The following GHSR variants were observed in gnomAD, a reference collection of about 807,000 sequenced individuals.
GHSR encodes growth hormone secretagogue receptor type 1.
In GHSR, 17 loss-of-function variants were observed where a neutral mutation model predicts 24.0. The observed-to-expected ratio is 0.71, with a 90% CI of 0.49 to 1.06. The LOEUF (loss-of-function observed/expected upper bound fraction) is 1.06. Among genes scored for constraint, GHSR ranks in the 50% least tolerant of loss-of-function variants. The pLI, the probability that GHSR is intolerant of heterozygous loss-of-function variation, is 0.00. For synonymous variants in GHSR, 238 were observed against 208.1 expected (o/e 1.14, Z -1.24); for missense variants, 504 against 483.1 (o/e 1.04, Z -0.41).
At chr3:172,447,418 T>C (rs1470949828) in intron 1 of GHSR, 200 bp downstream of exon 1, 7 of 1,175,482 alleles carry the variant, frequency 6.0e-6, no homozygotes, top group South Asian at 5.4e-5. Flanking sequence ...GAGAGAAAGA[T>C]TGAGAGATCA....
At position 172,448,399 on chromosome 3, in the gene GHSR, C is replaced by T; in HGVS notation, c.15G>A (p.Thr5=). The T allele has an allele frequency of 6.3e-7, 1 of 1,594,906 alleles. No individual in the cohort carries two copies. The highest frequency in any genetic ancestry group is 8.5e-7 in the Non-Finnish European group (1 of 1,178,078). The part of the protein sequence containing the change: MWNA[T]PSEEPGFNLT... ...GGTTGAACCCCGGCTCTTCGCTGGG[C>T]GTCGCGTTCCACATGCTGCCGGCTC... Residue 5 remains threonine (T), a synonymous_variant, in exon 1 of 2, where the codon ACG becomes ACA. Coordinates refer to ENST00000241256, the MANE Select transcript of GHSR (RefSeq NM_198407.2). This position sits in a 1 kb window ranked among gnomAD's most constrained non-coding sequence, Gnocchi z 4.8.
intron 1 of GHSR, 40 bp from the exon 2 acceptor site, chr3:172,445,505 T>C: frequency 5.7e-6 from 9 of 1,574,346 alleles, no homozygotes; most frequent in Non-Finnish European, 7.8e-6. Context: ...GCTCAAGAAA[T>C]GTCACAGCAA....
In GHSR at chr3:172,443,973, C is replaced by T. The variant is rs749217235; in HGVS notation, c.*1188G>A. 3.3e-5 allele frequency among the ~76,000 whole-genome samples: 5 copies of T among 152,124 alleles called. No homozygotes were observed. The highest frequency in any genetic ancestry group is 7.2e-5 in the African/African-American group (3 of 41,436). Reference sequence around the variant, plus strand: ...TCATCACTTGAAAAATTTCTATATTCATTAACTTTCTTGTAATCTTGCCAG... The same window carrying T: ...TCATCACTTGAAAAATTTCTATATTTATTAACTTTCTTGTAATCTTGCCAG... On this transcript the variant is annotated 3_prime_UTR_variant, in exon 2 of 2. Coordinates refer to ENST00000241256, the MANE Select transcript of GHSR (RefSeq NM_198407.2).
rs752005705 is a variant in GHSR, at chr3:172,447,850, G to A, written c.564C>T (p.Asn188=). ...CGTTGGTGTCCCAAGGGTCGGTGCC[G>A]TTCTCGTGCTCCACCCCGACTAGCA... The part of the protein sequence containing the change: ...IFVLVGVEHE[N]GTDPWDTNEC... The change falls in exon 1 of 2, where the codon AAC becomes AAT. Residue 188 remains asparagine, a synonymous_variant. Transcript: ENST00000241256. The A allele has an allele frequency of 6.2e-7, 1 of 1,613,988 alleles. No individual in the cohort carries two copies. Among genetic ancestry groups the A allele is most frequent in the Admixed American group, 1.7e-5 (1 of 60,016 alleles).
chr3:172,445,133 G>A lies in GHSR; in HGVS notation c.*28C>T. 1 of 1,612,238 alleles carries A rather than the reference G, an allele frequency of 6.2e-7. No homozygotes were observed. Among genetic ancestry groups the A allele is most frequent in the Non-Finnish European group, 8.5e-7 (1 of 1,178,468 alleles). The stretch of plus-strand genomic sequence containing the variant: ...TATGTCTTCCGGTTTAGAGTAATAA[G>A]CGGTGACTGTACTCGCAATGTGCTA... On this transcript the variant is annotated 3_prime_UTR_variant, in exon 2 of 2. Transcript: ENST00000241256.
In GHSR at chr3:172,445,135, G is replaced by A. The variant is rs200876724; in HGVS notation, c.*26C>T. ...TGTCTTCCGGTTTAGAGTAATAAGC[G>A]GTGACTGTACTCGCAATGTGCTAGG... On this transcript the variant is annotated 3_prime_UTR_variant, in exon 2 of 2. Coordinates refer to ENST00000241256, the MANE Select transcript of GHSR (RefSeq NM_198407.2). 17 of 1,612,332 alleles carry A rather than the reference G, an allele frequency of 1.1e-5. No individual in the cohort carries two copies. The East Asian group carries it at 1.1e-4, about 11-fold the overall frequency.
At chr3:172,447,294 C>T (rs1737485249) in intron 1 of GHSR, among the ~76,000 whole-genome samples, 1 of 151,760 alleles carries the variant, frequency 6.6e-6, no homozygotes, top group African/African-American at 2.4e-5. Context: ...AAATATGGGA[C>T]ATTTTTGCAT....
intron 1 of GHSR, among the ~76,000 whole-genome samples, chr3:172,447,227 T>C (rs1412772268): frequency 6.6e-6 from 1 of 152,200 alleles, no homozygotes; most frequent in Non-Finnish European, 1.5e-5. Flanking sequence ...TTATAAGATA[T>C]CTCGATTTTT....
intron 1 of GHSR, chr3:172,447,404 G>T: frequency 9.5e-7 from 1 of 1,050,212 alleles, no homozygotes; most frequent in Non-Finnish European, 1.3e-6. Flanking sequence ...GAGAGACAGA[G>T]ACAGAGAGAA....
rs1414402769 is a variant in GHSR, at chr3:172,444,597, G to A, written c.*564C>T. Among the ~76,000 whole-genome samples the A allele has an allele frequency of 3.4e-5, 3 of 87,530 alleles. No homozygotes were observed. The highest frequency in any genetic ancestry group is 9.3e-5 in the Non-Finnish European group (3 of 32,354). 57.4% of individuals were successfully genotyped at this position (87,530 alleles called of 152,430 possible). A position where few individuals can be genotyped will look rare whatever the true frequency, so the allele number is the denominator to read the frequency against. ...CTTAGTGTCCAAATTGAGGGTTTCT[G>A]TAAGTGTAAAAAGCATGCCAGATTT... On this transcript the variant is annotated 3_prime_UTR_variant, in exon 2 of 2. Coordinates refer to ENST00000241256, the MANE Select transcript of GHSR (RefSeq NM_198407.2).
Position 172,448,404 on chromosome 3 carries a change from C to A in GHSR, c.10G>T (p.Ala4Ser). 1 of 1,593,872 alleles carries A rather than the reference C, an allele frequency of 6.3e-7. No homozygotes were observed. Among genetic ancestry groups the A allele is most frequent in the Non-Finnish European group, 8.5e-7 (1 of 1,177,656 alleles). The change falls in exon 1 of 2, where the codon GCG (alanine) becomes TCG (serine). Residue 4 changes from alanine (A) to serine (S), a missense_variant. Ala to Ser is a moderately conservative substitution (Grantham distance 99, BLOSUM62 1). Coordinates refer to ENST00000241256, the MANE Select transcript of GHSR (RefSeq NM_198407.2). This position sits in a 1 kb window ranked among gnomAD's most constrained non-coding sequence, Gnocchi z 4.8. MWN[A>S]TPSEEPGFNL... The stretch of plus-strand genomic sequence containing the variant: ...AACCCCGGCTCTTCGCTGGGCGTCG[C>A]GTTCCACATGCTGCCGGCTCAGCTG...
intron 1 of GHSR, among the ~76,000 whole-genome samples, chr3:172,445,934 T>C (rs1698968724): frequency 6.7e-6 from 1 of 150,320 alleles, no homozygotes. Flanking sequence ...ATATGTTTTA[T>C]CTTCTCTTTT....
chr3:172,445,604 C>A, intron 1 of GHSR, 139 bp from the exon 2 acceptor site: 2 of 895,514 alleles, frequency 2.2e-6, no homozygotes, highest in Non-Finnish European at 1.8e-6. Flanking sequence ...CTTCCTGTTC[C>A]AACATTTTAA....
chr3:172,447,800 A>T lies in GHSR; in HGVS notation c.614T>A (p.Val205Glu). 1 of 1,613,998 alleles carries T rather than the reference A, an allele frequency of 6.2e-7. No homozygotes were observed. The highest frequency in any genetic ancestry group is 8.5e-7 in the Non-Finnish European group (1 of 1,180,036). Residue 205 changes from valine to glutamate, a missense_variant, in exon 1 of 2, where the codon GTG becomes GAG. Transcript: ENST00000241256. ...CATGACCGTGAGCAGTCCAGAGCGC[A>T]CCGCAAACTCGGTGGGGCGGCACTC... ...TNECRPTEFA[V>E]RSGLLTVMVW...
At position 172,445,197 on chromosome 3, in the gene GHSR, A is replaced by T. The variant is rs138063648; in HGVS notation, c.1065T>A (p.Ser355Arg). The T allele has an allele frequency of 5.3e-5, 85 of 1,614,012 alleles. No homozygotes were observed. Among genetic ancestry groups the T allele is most frequent in the Admixed American group, 6.7e-5 (4 of 59,992 alleles). The change falls in exon 2 of 2, where the codon AGT (serine) becomes AGA (arginine). Residue 355 changes from serine to arginine, a missense_variant. Physicochemically the swap from Ser to Arg is moderately radical, Grantham distance 110. Coordinates refer to ENST00000241256, the MANE Select transcript of GHSR (RefSeq NM_198407.2). ...QRKLSTLKDE[S>R]SRAWTESSIN... ...TACTAGATTCTGTCCAGGCCCGAGA[A>T]CTTTCATCTTTCAGAGTGGAGAGCT...
In GHSR at chr3:172,445,298, G is replaced by A. The variant is rs746706220; in HGVS notation, c.964C>T (p.Leu322=). The A allele has an allele frequency of 2.5e-6, 4 of 1,614,086 alleles. No homozygotes were observed. The highest frequency in any genetic ancestry group is 2.5e-6 in the Non-Finnish European group (3 of 1,180,032). The change falls in exon 2 of 2, where the codon CTG becomes TTG. Residue 322 remains leucine, a synonymous_variant. Coordinates refer to ENST00000241256, the MANE Select transcript of GHSR (RefSeq NM_198407.2). ...FYLSAAINPI[L]YNIMSKKYRV... ...TACTTCTTGGACATGATGTTGTACA[G>A]AATGGGGTTGATGGCAGCACTGAGG... is the stretch of plus-strand genomic sequence containing the variant.
Position 172,445,002 on chromosome 3 carries a change from G to T in GHSR, c.*159C>A. Reference sequence around the variant, plus strand: ...GATAATTGTGCGATCAAATCAAACTGCTCACACCCTACAAATGATATCTTT... The same window carrying T: ...GATAATTGTGCGATCAAATCAAACTTCTCACACCCTACAAATGATATCTTT... On this transcript the variant is annotated 3_prime_UTR_variant, in exon 2 of 2. Transcript: ENST00000241256. 3 of 785,524 alleles carry T rather than the reference G, an allele frequency of 3.8e-6. No individual in the cohort carries two copies. The highest frequency in any genetic ancestry group is 6.4e-6 in the Non-Finnish European group (3 of 465,784). The allele number at this position is 785,524 out of a possible 1,614,324, so 48.7% of individuals were successfully genotyped here.
chr3:172,445,282 G>A lies in GHSR; in HGVS notation c.980C>T (p.Ser327Phe). 6.2e-7 allele frequency: 1 copy of A among 1,614,150 alleles called. No homozygotes were observed. The highest frequency in any genetic ancestry group is 1.1e-5 in the South Asian group (1 of 91,076). The change falls in exon 2 of 2, where the codon TCC becomes TTC. Residue 327 changes from serine (S) to phenylalanine (F), a missense_variant. By Grantham distance (155) the Ser-to-Phe change is radical (BLOSUM62 -2). Transcript: ENST00000241256. ...AINPILYNIM[S>F]KKYRVAVFRL... Reference sequence around the variant, plus strand: ...GAACACTGCCACCCGGTACTTCTTGGACATGATGTTGTACAGAATGGGGTT... The same window carrying A: ...GAACACTGCCACCCGGTACTTCTTGAACATGATGTTGTACAGAATGGGGTT...
chr3:172,445,575 A>G, intron 1 of GHSR, 110 bp from the exon 2 acceptor site: 1 of 1,104,556 alleles, frequency 9.1e-7, no homozygotes. Context: ...TTGACTTCAG[A>G]GAAACATTGT....
Sources: allele counts gnomAD v4.1 joint callset (sites outside exome capture counted in the v4.1 genomes callset), GRCh38; gene constraint gnomAD v4.1.1; non-coding constraint Gnocchi (gnomAD v3.1); transcripts MANE v1.5; gene names NCBI Gene and HGNC (gene_info 2026-07-23, HGNC 2026-07-21).